The following SBK1 variants were observed in gnomAD, a reference collection of about 807,000 sequenced individuals.
SBK1 encodes the protein serine/threonine-protein kinase SBK1.
Under a neutral mutation model 24.4 loss-of-function variants are expected in SBK1, and 11 were observed. That is an observed-to-expected ratio of 0.45 (90% CI 0.28 to 0.75). The LOEUF (loss-of-function observed/expected upper bound fraction) is 0.75, where lower values mean the gene tolerates loss of function less well. SBK1 is among the 30% of genes least tolerant of loss of function. The pLI is 0.12. For synonymous variants in SBK1, 308 were observed against 284.4 expected (o/e 1.08, Z -0.83); for missense variants, 467 against 620.5 (o/e 0.75, Z 2.63).
intron 1 of SBK1, among the ~76,000 whole-genome samples, chr16:28,294,340 T>C (rs1295392932): frequency 6.6e-6 from 1 of 152,174 alleles, no homozygotes; most frequent in Non-Finnish European, 1.5e-5. Context: ...TCATCTCTTC[T>C]CTCTGAGCCT....
Position 28,292,928 on chromosome 16 carries a change from G to C in SBK1, c.-380G>C. 3 of 971,294 alleles carry C rather than the reference G, an allele frequency of 3.1e-6. No homozygotes were observed. The highest frequency in any genetic ancestry group is 3.7e-6 in the Non-Finnish European group (3 of 818,824). 60.2% of individuals were successfully genotyped at this position (971,294 alleles called of 1,614,324 possible). On this transcript the variant is annotated 5_prime_UTR_variant, in exon 1 of 4. Transcript: ENST00000341901. The stretch of plus-strand genomic sequence containing the variant: ...TCCTCAGTCTGGGCCCCCGCCCCAA[G>C]ACCTAGAACGCAGTGCCCCCAGGCC...
chr16:28,320,792 A>AGTGCCC lies in SBK1; in HGVS notation c.1152_1157dup (p.Val389_Pro390dup). On this transcript the variant is annotated inframe_insertion, in exon 4 of 4. Coordinates refer to ENST00000341901, the MANE Select transcript of SBK1 (RefSeq NM_001024401.3). The surrounding 1 kb of genome is among the most constrained non-coding windows in gnomAD (Gnocchi z 8.5). Reference sequence around the variant, plus strand: ...CCTTGCCCGTGCCGGTGCCGGTGCCAGTGCCCGTGCCGGTGCCTGTGCCCG... The same window carrying AGTGCCC: ...CCTTGCCCGTGCCGGTGCCGGTGCCAGTGCCCGTGCCCGTGCCGGTGCCTGTGCCCG... 7.0e-7 allele frequency: 1 copy of AGTGCCC among 1,420,354 alleles called. No homozygotes were observed. Among genetic ancestry groups the AGTGCCC allele is most frequent in the Non-Finnish European group, 9.2e-7 (1 of 1,084,176 alleles). 88.0% of individuals were successfully genotyped at this position (1,420,354 alleles called of 1,614,324 possible).
At chr16:28,278,881 G>A (rs1217475126) in intron 1 of SBK1, among the ~76,000 whole-genome samples, 4 of 152,232 alleles carry the variant, frequency 2.6e-5, no homozygotes, top group Non-Finnish European at 5.9e-5. Context: ...CACCTGTGAG[G>A]TCTGCACTTG....
intron 1 of SBK1, chr16:28,285,619 A>AT (rs1365782534): frequency 6.6e-6 from 1 of 152,186 alleles, no homozygotes; most frequent in African/African-American, 2.4e-5. Flanking sequence ...CACCAGTCCT[A>AT]TTTCCTTGGT....
Position 28,292,830 on chromosome 16 carries a change from C to T in SBK1, c.-478C>T, listed in dbSNP as rs1379053841. ...CCGGATCCGACACCGAGCGACTCCC[C>T]TGCGGGGAAAGCGGAGACTTCCTCG... is the stretch of plus-strand genomic sequence containing the variant. On this transcript the variant is annotated 5_prime_UTR_variant, in exon 1 of 4. Transcript: ENST00000341901. 2.0e-6 allele frequency: 2 copies of T among 985,242 alleles called. No homozygotes were observed. The highest frequency in any genetic ancestry group is 1.2e-4 in the Admixed American group (2 of 16,272). The allele number at this position is 985,242 out of a possible 1,614,324, so 61.0% of individuals were successfully genotyped here.
intron 1 of SBK1, among the ~76,000 whole-genome samples, chr16:28,299,721 T>C (rs935038922): frequency 5.9e-5 from 9 of 152,134 alleles, no homozygotes; most frequent in African/African-American, 2.2e-4. Flanking sequence ...AGGTTGACAC[T>C]GTCACTTTTC....
At position 28,317,313 on chromosome 16, in the gene SBK1, G is replaced by T; in HGVS notation, c.-7-72G>T. ...ATCCTCAAGTTTTCTGGGTTCTGGG[G>T]AGGGCAGAGGGGCTGGAGGAGGGGA... On this transcript the variant is annotated intron_variant, in intron 1 of 3. Transcript: ENST00000341901. This position sits in a 1 kb window ranked among gnomAD's most constrained non-coding sequence, Gnocchi z 4.2. 1 of 1,172,948 alleles carries T rather than the reference G, an allele frequency of 8.5e-7. No individual in the cohort carries two copies. Among genetic ancestry groups the T allele is most frequent in the South Asian group, 1.3e-5 (1 of 77,908 alleles). 72.7% of individuals were successfully genotyped at this position (1,172,948 alleles called of 1,614,324 possible). A position where few individuals can be genotyped will look rare whatever the true frequency, so the allele number is the denominator to read the frequency against.
chr16:28,319,546 G>A lies in SBK1; in HGVS notation c.429+349G>A, dbSNP rs567962129. On this transcript the variant is annotated intron_variant, in intron 3 of 3. Transcript: ENST00000341901. The surrounding 1 kb of genome is among the most constrained non-coding windows in gnomAD (Gnocchi z 4.0). The stretch of plus-strand genomic sequence containing the variant: ...CCTCAGAGGAAGCGACCCTGGAACC[G>A]GGACGGTGGGGGAGGGTTCCAGGCA... 6.6e-6 allele frequency among the ~76,000 whole-genome samples: 1 copy of A among 152,134 alleles called. No individual in the cohort carries two copies. The highest frequency in any genetic ancestry group is 6.5e-5 in the Admixed American group (1 of 15,280).
At chr16:28,264,817 A>T (rs971422869) in intron 1 of SBK1, among the ~76,000 whole-genome samples, 1 of 151,970 alleles carries the variant, frequency 6.6e-6, no homozygotes, top group African/African-American at 2.4e-5. Flanking sequence ...CGGTATTGAG[A>T]TCATGTGGAG....
In SBK1 at chr16:28,319,592, C is replaced by G. The variant is rs901249451; in HGVS notation, c.429+395C>G. ...AGGCACTAGCTTTAAATCTGCTCTG[C>G]CACTTGCTGGCTGAGTGATGAGACC... is the stretch of plus-strand genomic sequence containing the variant. On this transcript the variant is annotated intron_variant, in intron 3 of 3. Coordinates refer to ENST00000341901, the MANE Select transcript of SBK1 (RefSeq NM_001024401.3). This position sits in a 1 kb window ranked among gnomAD's most constrained non-coding sequence, Gnocchi z 4.0. 6.6e-6 allele frequency among the ~76,000 whole-genome samples: 1 copy of G among 152,092 alleles called. No individual in the cohort carries two copies. The highest frequency in any genetic ancestry group is 2.4e-5 in the African/African-American group (1 of 41,428).
intron 1 of SBK1, among the ~76,000 whole-genome samples, chr16:28,302,195 T>C (rs1249075293): frequency 6.6e-6 from 1 of 152,138 alleles, no homozygotes; most frequent in African/African-American, 2.4e-5. Context: ...ACTGGAAAAC[T>C]GGAGAGAAGG....
At position 28,280,147 on chromosome 16, in the gene SBK1, A is replaced by ATGTGTGTGTGTGTGTGTG. The variant is rs1258164420; in HGVS notation, c.257+20646_257+20647insGTGTGTGTGTGTGTGTGT. On this transcript the variant is annotated intron_variant, in intron 1 of 3. Coordinates refer to the SBK1 transcript ENST00000671413. ...TATATATATATATATATATATATAT[A>ATGTGTGTGTGTGTGTGTG]TATGTGTGTGTGTGTGTGTGTGTGT... Among the ~76,000 whole-genome samples, 27 of 48,352 alleles carry ATGTGTGTGTGTGTGTGTG rather than the reference A, an allele frequency of 5.6e-4. 1 individual carries two copies. The highest frequency in any genetic ancestry group is 1.3e-3 in the Non-Finnish European group (25 of 19,710). 31.7% of individuals were successfully genotyped at this position (48,352 alleles called of 152,430 possible).
intron 2 of SBK1, 117 bp from the exon 3 acceptor site, chr16:28,318,878 G>T (rs553691357): frequency 3.5e-5 from 27 of 782,320 alleles, no homozygotes; most frequent in South Asian, 2.8e-4. Context: ...GTGAGATGAG[G>T]ACAGTCATGC....
At chr16:28,297,194 G>A (rs1025695528) in intron 1 of SBK1, among the ~76,000 whole-genome samples, 6 of 152,164 alleles carry the variant, frequency 3.9e-5, no homozygotes, top group African/African-American at 7.2e-5. Flanking sequence ...AGCCAGGTGC[G>A]GTGGCATATT....
chr16:28,320,584 T>A lies in SBK1; in HGVS notation c.938T>A (p.Leu313His). The change falls in exon 4 of 4, where the codon CTC becomes CAC. Residue 313 changes from leucine (L) to histidine (H), a missense_variant. Transcript: ENST00000341901. This position sits in a 1 kb window ranked among gnomAD's most constrained non-coding sequence, Gnocchi z 8.5. ...RGPAKEVFRF[L>H]KHELTSELRR... ...CCAGCCAAGGAGGTGTTCCGCTTCC[T>A]CAAGCACGAGCTCACGTCCGAGCTG... 1 of 1,518,740 alleles carries A rather than the reference T, an allele frequency of 6.6e-7. No homozygotes were observed. The allele number at this position is 1,518,740 out of a possible 1,614,324, so 94.1% of individuals were successfully genotyped here.
At position 28,292,812 on chromosome 16, in the gene SBK1, C is replaced by G; in HGVS notation, c.-496C>G. ...GGAAGAGGGGGGGCCCTCCCGGATC[C>G]GACACCGAGCGACTCCCCTGCGGGG... is the stretch of plus-strand genomic sequence containing the variant. On this transcript the variant is annotated 5_prime_UTR_variant, in exon 1 of 4. Coordinates refer to ENST00000341901, the MANE Select transcript of SBK1 (RefSeq NM_001024401.3). The G allele has an allele frequency of 3.0e-6, 3 of 985,408 alleles. No individual in the cohort carries two copies. Among genetic ancestry groups the G allele is most frequent in the Non-Finnish European group, 3.6e-6 (3 of 829,848 alleles). 61.0% of individuals were successfully genotyped at this position (985,408 alleles called of 1,614,324 possible).
At position 28,259,551 on chromosome 16, in the gene SBK1, C is replaced by T; in HGVS notation, c.257+49C>T. On this transcript the variant is annotated intron_variant, in intron 1 of 3. Coordinates refer to the SBK1 transcript ENST00000671413. The surrounding 1 kb of genome is among the most constrained non-coding windows in gnomAD (Gnocchi z 6.0). ...GGGTGGGCAGCAGGTGGGCACAGCG[C>T]TCGACCCAGGGTGCCTGTGGGCCTG... 1 of 634,126 alleles carries T rather than the reference C, an allele frequency of 1.6e-6. No homozygotes were observed. Among genetic ancestry groups the T allele is most frequent in the Non-Finnish European group, 2.0e-6 (1 of 509,086 alleles). 39.3% of individuals were successfully genotyped at this position (634,126 alleles called of 1,614,324 possible).
chr16:28,313,557 C>CA (rs1945178891), intron 1 of SBK1, among the ~76,000 whole-genome samples: 1 of 149,644 alleles, frequency 6.7e-6, no homozygotes, highest in African/African-American at 2.5e-5. Flanking sequence ...GAGATCACGC[C>CA]ACTGCACTCC....
intron 1 of SBK1, among the ~76,000 whole-genome samples, chr16:28,298,061 C>T (rs2141579048): frequency 6.6e-6 from 1 of 152,326 alleles, no homozygotes; most frequent in East Asian, 1.9e-4. Context: ...GACTTTCTGC[C>T]CCAGAAGGAT....
Sources: gnomAD v4.1 joint callset for allele counts (sites outside exome capture counted in the v4.1 genomes callset) on GRCh38, gnomAD v4.1.1 for gene constraint, Gnocchi (gnomAD v3.1) non-coding constraint, MANE v1.5 for transcripts, NCBI Gene and HGNC (gene_info 2026-07-23, HGNC 2026-07-21) for gene names.